PPM1A: variants seen among roughly 807,000 people sequenced by gnomAD.
The protein encoded by PPM1A is protein phosphatase 1A.
Under a neutral mutation model 35.0 loss-of-function variants are expected in PPM1A, and 7 were observed. The ratio of observed to expected loss-of-function variants is 0.20; its 90% CI spans 0.11 to 0.38. The LOEUF (loss-of-function observed/expected upper bound fraction) is 0.38. Ranked by LOEUF, PPM1A falls within the 10% of genes least tolerant of loss-of-function variation. PPM1A has a pLI of 1.00. For synonymous variants in PPM1A, 153 were observed against 167.3 expected (o/e 0.91, Z 0.66); for missense variants, 239 against 467.8 (o/e 0.51, Z 4.51).
intron 1 of PPM1A, chr14:60,250,570 C>A: frequency 3.3e-6 from 1 of 302,970 alleles, no homozygotes; most frequent in Non-Finnish European, 4.9e-6. Context: ...TGTGTGCTAG[C>A]CCCACCTCCC....
chr14:60,246,259 G>T (rs557243239), upstream of PPM1A, among the ~76,000 whole-genome samples: 6 of 152,276 alleles, frequency 3.9e-5, no homozygotes, highest in African/African-American at 1.4e-4. Flanking sequence ...GAGCAGGAAT[G>T]TAAACCTTTT....
At chr14:60,291,645 TGA>T (rs1365887041) in intron 5 of PPM1A, among the ~76,000 whole-genome samples, 191 bp downstream of exon 5, 1 of 152,004 alleles carries the variant, frequency 6.6e-6, no homozygotes, top group African/African-American at 2.4e-5. Context: ...ATAATCATGG[TGA>T]GTGGCCACCT....
chr14:60,271,030 G>A (rs998111636), intron 1 of PPM1A, among the ~76,000 whole-genome samples: 2 of 152,168 alleles, frequency 1.3e-5, no homozygotes, highest in Non-Finnish European at 2.9e-5. Context: ...TCATTTTCAC[G>A]GGGACAAAAT....
intron 4 of PPM1A, among the ~76,000 whole-genome samples, chr14:60,290,247 C>T (rs901642405): frequency 2.6e-5 from 4 of 152,008 alleles, no homozygotes; most frequent in African/African-American, 7.2e-5. Context: ...TTCTAAGTGT[C>T]GTTGTTAGTA....
chr14:60,255,373 G>A (rs1274856528), intron 1 of PPM1A, among the ~76,000 whole-genome samples: 1 of 151,186 alleles, frequency 6.6e-6, no homozygotes, highest in Admixed American at 6.6e-5. Context: ...GGGTTTCACC[G>A]TGTTAGCCAG....
intron 1 of PPM1A, among the ~76,000 whole-genome samples, chr14:60,278,953 G>T (rs1024464542): frequency 1.3e-5 from 2 of 152,162 alleles, no homozygotes; most frequent in Non-Finnish European, 2.9e-5. Flanking sequence ...ACCTTGGATG[G>T]ATGGATGGGA....
rs949631022 is a variant in PPM1A at position 60,273,347 on chromosome 14, T to C, written c.-20-9337T>C. 2.0e-5 allele frequency among the ~76,000 whole-genome samples: 3 copies of C among 152,104 alleles called. No individual in the cohort carries two copies. The South Asian group carries it at 6.2e-4, about 32-fold the overall frequency. On this transcript the variant is annotated intron_variant, in intron 1 of 5. Coordinates refer to ENST00000395076, the MANE Select transcript of PPM1A (RefSeq NM_021003.5). The surrounding 1 kb of genome is among the most constrained non-coding windows in gnomAD (Gnocchi z 4.3). ...GCTGTTAAGGTAGGGAAAGTAGCAT[T>C]TGTTTATATATTTGGAGGAAGGAAG... is the stretch of plus-strand genomic sequence containing the variant.
At chr14:60,277,561 G>T (rs960266357) in intron 1 of PPM1A, among the ~76,000 whole-genome samples, 12 of 151,942 alleles carry the variant, frequency 7.9e-5, no homozygotes, top group Admixed American at 2.6e-4. Context: ...TAAAGTCTGG[G>T]GTTTGTTTTT....
At chr14:60,260,795 T>G (rs1287704011) in intron 1 of PPM1A, among the ~76,000 whole-genome samples, 1 of 152,178 alleles carries the variant, frequency 6.6e-6, no homozygotes, top group East Asian at 1.9e-4. Flanking sequence ...TTATTAGTGA[T>G]TTTTCACTTA....
chr14:60,275,844 C>T (rs1049455019), intron 1 of PPM1A, among the ~76,000 whole-genome samples: 96 of 130,402 alleles, frequency 7.4e-4, no homozygotes, highest in African/African-American at 2.2e-3. Context: ...AAAGATTAGC[C>T]TTTTTTTTTT....
chr14:60,271,061 G>A (rs1309333675), intron 1 of PPM1A, among the ~76,000 whole-genome samples: 2 of 152,152 alleles, frequency 1.3e-5, no homozygotes. Context: ...CCAAGAATGT[G>A]CTCACTCCCG....
rs1338755562 is a variant in PPM1A at position 60,296,683 on chromosome 14, T to A, written c.*4201T>A. On this transcript the variant is annotated 3_prime_UTR_variant, in exon 6 of 6. Coordinates refer to ENST00000395076, the MANE Select transcript of PPM1A (RefSeq NM_021003.5). The surrounding 1 kb of genome is among the most constrained non-coding windows in gnomAD (Gnocchi z 4.4). ...ATATGTTTTAAATTGTATATTTCCT[T>A]GGAATATGCTTGAAATATTTAAGAA... 1 of 349,164 alleles carries A rather than the reference T, an allele frequency of 2.9e-6. No individual in the cohort carries two copies. The highest frequency in any genetic ancestry group is 5.2e-6 in the Non-Finnish European group (1 of 190,638). The allele number at this position is 349,164 out of a possible 1,614,324, so 21.6% of individuals were successfully genotyped here.
intron 3 of PPM1A, chr14:60,287,684 C>T (rs975430787): frequency 9.0e-5 from 89 of 985,214 alleles, no homozygotes; most frequent in Non-Finnish European, 7.1e-5. Flanking sequence ...CAAAGGCCTT[C>T]CAGCTCTCCT....
chr14:60,274,053 G>A (rs1287091032), intron 1 of PPM1A, among the ~76,000 whole-genome samples: 1 of 152,216 alleles, frequency 6.6e-6, no homozygotes, highest in Non-Finnish European at 1.5e-5. Flanking sequence ...CAGGGAGGCA[G>A]CATAGAATGG....
Position 60,276,895 on chromosome 14 carries a change from G to A in PPM1A, c.-20-5789G>A. 3 of 281,904 alleles carry A rather than the reference G, an allele frequency of 1.1e-5. No homozygotes were observed. In the South Asian group the frequency reaches 1.7e-4, roughly 16 times the overall value. 17.5% of individuals were successfully genotyped at this position (281,904 alleles called of 1,614,324 possible). ...CATTAATTAATGACTTCTTGGCCCA[G>A]CCTTAGAATTTTTCAGTTTAGGGAT... is the stretch of plus-strand genomic sequence containing the variant. On this transcript the variant is annotated intron_variant, in intron 1 of 5. Coordinates refer to ENST00000395076, the MANE Select transcript of PPM1A (RefSeq NM_021003.5).
At chr14:60,278,762 T>G (rs1336025416) in intron 1 of PPM1A, among the ~76,000 whole-genome samples, 1 of 152,244 alleles carries the variant, frequency 6.6e-6, no homozygotes, top group Non-Finnish European at 1.5e-5. Context: ...TGTATAGAAT[T>G]GTTTTGCAGC....
upstream of PPM1A, among the ~76,000 whole-genome samples, chr14:60,247,594 T>C (rs11849495): frequency 0.49 from 67,636 of 138,238 alleles, 19,543 homozygotes; most frequent in African/African-American, 0.84. Flanking sequence ...TGTGCCACTG[T>C]ACTAGCCTGG....
Position 60,283,656 on chromosome 14 carries a change from A to G in PPM1A, c.834+119A>G, listed in dbSNP as rs1886633288. On this transcript the variant is annotated intron_variant, in intron 2 of 5. Coordinates refer to ENST00000395076, the MANE Select transcript of PPM1A (RefSeq NM_021003.5). This position sits in a 1 kb window ranked among gnomAD's most constrained non-coding sequence, Gnocchi z 6.3. ...CCAGTTTTTGGCACAACTGTAGGATACTGTTCACCAATTATGAAAATATAT... is the reference window on the plus strand; with the variant it reads ...CCAGTTTTTGGCACAACTGTAGGATGCTGTTCACCAATTATGAAAATATAT... 2.1e-6 allele frequency: 2 copies of G among 940,042 alleles called. No homozygotes were observed. The highest frequency in any genetic ancestry group is 3.1e-6 in the Non-Finnish European group (2 of 641,040). 58.2% of individuals were successfully genotyped at this position (940,042 alleles called of 1,614,324 possible).
rs1885375667 is a variant in PPM1A at position 60,273,275 on chromosome 14, C to G, written c.-20-9409C>G. Among the ~76,000 whole-genome samples the G allele has an allele frequency of 2.6e-5, 4 of 152,134 alleles. No individual in the cohort carries two copies. The South Asian group carries it at 8.3e-4, about 31-fold the overall frequency. ...CTCCTTTGAAGAATTGATGCTTGAG[C>G]TGAGATCTCAGGAATGAGTAGGAAT... is the stretch of plus-strand genomic sequence containing the variant. On this transcript the variant is annotated intron_variant, in intron 1 of 5. Coordinates refer to ENST00000395076, the MANE Select transcript of PPM1A (RefSeq NM_021003.5). This position sits in a 1 kb window ranked among gnomAD's most constrained non-coding sequence, Gnocchi z 4.3.
Sources: allele counts gnomAD v4.1 joint callset (sites outside exome capture counted in the v4.1 genomes callset), GRCh38; gene constraint gnomAD v4.1.1; non-coding constraint Gnocchi (gnomAD v3.1); transcripts MANE v1.5; gene names NCBI Gene and HGNC (gene_info 2026-07-23, HGNC 2026-07-21).